KMT2E: variants seen among roughly 807,000 people sequenced by gnomAD.
KMT2E encodes histone reader KMT2E.
KMT2E carries 30 observed loss-of-function variants against 184.6 expected under a neutral mutation model. The ratio of observed to expected loss-of-function variants is 0.16; its 90% CI spans 0.12 to 0.22. The LOEUF is 0.22. Ranked by LOEUF, KMT2E falls within the 10% of genes least tolerant of loss-of-function variation. The pLI is 1.00. For missense variants in KMT2E, 2,023 were observed against 2,237.4 expected, an observed-to-expected ratio of 0.90 and a Z score of 1.93; for synonymous variants, 815 against 776.5, an observed-to-expected ratio of 1.05 and a Z score of -0.82.
chr7:105,079,281 C>T (rs1046943395), intron 12 of KMT2E, among the ~76,000 whole-genome samples: 71 of 151,074 alleles, frequency 4.7e-4, no homozygotes, highest in Middle Eastern at 3.5e-3. Flanking sequence ...ATTACAGGCA[C>T]GCACCACCAT....
intron 3 of KMT2E, among the ~76,000 whole-genome samples, chr7:105,047,868 G>T (rs1262015156): frequency 6.6e-6 from 1 of 152,180 alleles, no homozygotes; most frequent in Non-Finnish European, 1.5e-5. Context: ...AACAACTCTG[G>T]TTGAAATGGA....
chr7:105,101,507 TG>T lies in KMT2E; in HGVS notation c.1807del (p.Glu603LysfsTer43). The T allele has an allele frequency of 6.3e-7, 1 of 1,597,442 alleles. No homozygotes were observed. ...AGAGAGAAAAGAAGAGAACAAGCTT[TG>T]GAAAGGATCAGCACAGCCAAAACTG... The part of the protein sequence containing the change: ...EKREKRREQA[L>X]ERISTAKTEV... On this transcript the variant is annotated frameshift_variant, in exon 16 of 27. Coordinates refer to ENST00000311117, the MANE Select transcript of KMT2E (RefSeq NM_182931.3). LOFTEE classifies it high-confidence loss of function.
At chr7:105,081,097 T>A (rs1797745688) in intron 12 of KMT2E, among the ~76,000 whole-genome samples, 1 of 149,530 alleles carries the variant, frequency 6.7e-6, no homozygotes, top group African/African-American at 2.5e-5. Context: ...AAAGAATTGA[T>A]GAGGCTGGGT....
At chr7:105,106,329 T>C (rs575132541) in intron 19 of KMT2E, among the ~76,000 whole-genome samples, 193 bp from the exon 20 acceptor site, 3 of 152,286 alleles carry the variant, frequency 2.0e-5, no homozygotes, top group African/African-American at 7.2e-5. Context: ...GGCAAGGTAA[T>C]GCTTGCTAAT....
intron 5 of KMT2E, among the ~76,000 whole-genome samples, chr7:105,064,445 A>G (rs1796953523): frequency 6.6e-6 from 1 of 151,984 alleles, no homozygotes; most frequent in African/African-American, 2.4e-5. Context: ...CCCTAAAGCC[A>G]AGTATTACTT....
chr7:105,106,052 A>G, intron 19 of KMT2E, 49 bp downstream of exon 19: 1 of 1,538,640 alleles, frequency 6.5e-7, no homozygotes, highest in African/African-American at 1.5e-5. Flanking sequence ...GGCAGGGCAT[A>G]CATACAGCTT....
intron 7 of KMT2E, among the ~76,000 whole-genome samples, chr7:105,074,046 C>T (rs1797435659): frequency 6.6e-6 from 1 of 152,132 alleles, no homozygotes; most frequent in Non-Finnish European, 1.5e-5. Context: ...TTTATAGGAA[C>T]AGAATTTTCT....
At chr7:105,094,295 C>T (rs2129569069) in intron 15 of KMT2E, among the ~76,000 whole-genome samples, 1 of 152,218 alleles carries the variant, frequency 6.6e-6, no homozygotes, top group South Asian at 2.1e-4. Context: ...ACAACTAATA[C>T]TAGGTAGAAT....
chr7:105,088,573 G>A (rs1798080862), intron 13 of KMT2E, among the ~76,000 whole-genome samples: 2 of 152,188 alleles, frequency 1.3e-5, no homozygotes, highest in African/African-American at 2.4e-5. Flanking sequence ...TTTAACTGAG[G>A]TTTGGGCATT....
In KMT2E at chr7:105,063,797, A is replaced by G. The variant is rs932367632; in HGVS notation, c.416+217A>G. The G allele has an allele frequency of 9.3e-6, 5 of 535,996 alleles. No homozygotes were observed. The Admixed American group carries it at 1.4e-4, about 15-fold the overall frequency. 33.2% of individuals were successfully genotyped at this position (535,996 alleles called of 1,614,324 possible). ...ACTGAGTAATAGACAGTCAGTTCTG[A>G]ACTTTTTTTCATGTAGGATCACATT... On this transcript the variant is annotated intron_variant, in intron 5 of 26. Transcript: ENST00000311117.
chr7:105,105,727 G>C, intron 18 of KMT2E, 34 bp downstream of exon 18: 1 of 1,583,070 alleles, frequency 6.3e-7, no homozygotes, highest in Non-Finnish European at 8.6e-7. Flanking sequence ...AATGTAGAAT[G>C]AGCCAAATGC....
chr7:105,025,254 C>T (rs1795128790), intron 1 of KMT2E, among the ~76,000 whole-genome samples: 1 of 152,058 alleles, frequency 6.6e-6, no homozygotes, highest in Admixed American at 6.5e-5. Context: ...ATGTTTTCTA[C>T]CTCTTTGTGC....
At chr7:105,044,053 G>A (rs776511521) in intron 3 of KMT2E, among the ~76,000 whole-genome samples, 2 of 152,134 alleles carry the variant, frequency 1.3e-5, no homozygotes. Context: ...AGCCATGATC[G>A]CACCACTGCG....
At chr7:105,040,113 T>TTA (rs1584713428) in intron 2 of KMT2E, among the ~76,000 whole-genome samples, 1 of 152,134 alleles carries the variant, frequency 6.6e-6, no homozygotes, top group East Asian at 1.9e-4. Context: ...ATACCTAGAT[T>TTA]TACCTGTTAT....
intron 3 of KMT2E, among the ~76,000 whole-genome samples, chr7:105,059,942 C>CATAGACATT (rs1796726646): frequency 7.1e-6 from 1 of 141,756 alleles, no homozygotes; most frequent in African/African-American, 2.6e-5. Flanking sequence ...AATGTAACAG[C>CATAGACATT]ATAGACATTA....
intron 20 of KMT2E, among the ~76,000 whole-genome samples, 156 bp downstream of exon 20, chr7:105,106,928 A>G (rs1798923982): frequency 6.6e-6 from 1 of 152,222 alleles, no homozygotes; most frequent in Non-Finnish European, 1.5e-5. Flanking sequence ...ATATGAATTT[A>G]GATGTTTTTA....
At chr7:105,098,891 G>C (rs1001112809) in intron 15 of KMT2E, among the ~76,000 whole-genome samples, 1 of 152,090 alleles carries the variant, frequency 6.6e-6, no homozygotes, top group Non-Finnish European at 1.5e-5. Flanking sequence ...CAGGTGTTAG[G>C]GGCTATGGAA....
At chr7:105,054,212 G>A (rs1584734189) in intron 3 of KMT2E, among the ~76,000 whole-genome samples, 1 of 151,256 alleles carries the variant, frequency 6.6e-6, no homozygotes, top group Non-Finnish European at 1.5e-5. Flanking sequence ...TTAAAGAAAG[G>A]CTGCAGAGAA....
Position 105,106,659 on chromosome 7 carries a change from A to G in KMT2E, c.2734A>G (p.Thr912Ala). ...TACTCCTATGGACCCATCTTTTGCC[A>G]CGCCTCCACGGATAAAATCAGATGA... ...DITPMDPSFATPPRIKSDDET... is the reference protein window; with the variant it reads ...DITPMDPSFAAPPRIKSDDET... Residue 912 changes from threonine (T) to alanine (A), a missense_variant, in exon 20 of 27, where the codon ACG (threonine) becomes GCG (alanine). Coordinates refer to ENST00000311117, the MANE Select transcript of KMT2E (RefSeq NM_182931.3). 5 of 1,614,106 alleles carry G rather than the reference A, an allele frequency of 3.1e-6. No individual in the cohort carries two copies. Among genetic ancestry groups the G allele is most frequent in the Non-Finnish European group, 4.2e-6 (5 of 1,179,990 alleles).
Sources: allele counts gnomAD v4.1 joint callset (sites outside exome capture counted in the v4.1 genomes callset), GRCh38; gene constraint gnomAD v4.1.1; transcripts MANE v1.5; gene names NCBI Gene and HGNC (gene_info 2026-07-23, HGNC 2026-07-21).